Variants in ELP5 observed in about 807,000 individuals in gnomAD.
ELP5 encodes the protein elongator complex protein 5.
A neutral mutation model predicts 33.4 loss-of-function variants in ELP5; 34 were observed. The ratio of observed to expected loss-of-function variants is 1.02; its 90% confidence interval spans 0.78 to 1.36. The LOEUF (loss-of-function observed/expected upper bound fraction) is 1.36. Ranked by LOEUF, ELP5 falls within the 40% of genes most tolerant of loss-of-function variation. The pLI, the probability that ELP5 is intolerant of heterozygous loss-of-function variation, is 0.00. For synonymous variants in ELP5, 161 were observed against 146.4 expected, an observed-to-expected ratio of 1.10 and a Z score of -0.72; for missense variants, 373 against 371.7, an observed-to-expected ratio of 1.00 and a Z score of -0.03.
Position 7,252,234 on chromosome 17 carries a change from C to T in ELP5, c.-317C>T, listed in dbSNP as rs2071948602. On this transcript the variant is annotated 5_prime_UTR_variant, in exon 1 of 8. Coordinates refer to ENST00000396628, the MANE Select transcript of ELP5 (RefSeq NM_203414.3). ...GACGTCACTTGGCCCGCGCTTAGGG[C>T]CCTCGCGGGGGGCTTGTGGGTCCTC... 1.1e-5 allele frequency: 5 copies of T among 457,980 alleles called. No individual in the cohort carries two copies. Among genetic ancestry groups the T allele is most frequent in the African/African-American group, 6.0e-5 (3 of 49,822 alleles). 28.4% of individuals were successfully genotyped at this position (457,980 alleles called of 1,614,324 possible). A position where few individuals can be genotyped will look rare whatever the true frequency, so the allele number is the denominator to read the frequency against.
chr17:7,252,371 C>CAGTCTCTTGAAGG lies in ELP5; in HGVS notation c.-180_-179insAGTCTCTTGAAGG. 1 of 915,448 alleles carries CAGTCTCTTGAAGG rather than the reference C, an allele frequency of 1.1e-6. No individual in the cohort carries two copies. Among genetic ancestry groups the CAGTCTCTTGAAGG allele is most frequent in the East Asian group, 2.6e-5 (1 of 37,758 alleles). The allele number at this position is 915,448 out of a possible 1,614,324, so 56.7% of individuals were successfully genotyped here. A position where few individuals can be genotyped will look rare whatever the true frequency, so the allele number is the denominator to read the frequency against. Reference sequence around the variant, plus strand: ...GTGCGCCAGGGCTCGGGGAGGGGCGCCCTCCGCGTGAGCGCCCCCCTGGGA... The same window carrying CAGTCTCTTGAAGG: ...GTGCGCCAGGGCTCGGGGAGGGGCGCAGTCTCTTGAAGGCCTCCGCGTGAGCGCCCCCCTGGGA... On this transcript the variant is annotated 5_prime_UTR_variant, in exon 1 of 8. Coordinates refer to ENST00000396628, the MANE Select transcript of ELP5 (RefSeq NM_203414.3).
rs1281329031 is a variant in ELP5 at position 7,252,977 on chromosome 17, T to A, written c.167T>A (p.Phe56Tyr). 1 of 1,614,216 alleles carries A rather than the reference T, an allele frequency of 6.2e-7. No homozygotes were observed. The highest frequency in any genetic ancestry group is 1.7e-5 in the Admixed American group (1 of 60,022). ...EVSEEEFREGFDSDINNRLVY... is the reference protein window; with the variant it reads ...EVSEEEFREGYDSDINNRLVY... ...AGCGAGGAAGAGTTTCGTGAAGGTTTTGACTCTGATATCAACAATCGGTAA... is the reference window on the plus strand; with the variant it reads ...AGCGAGGAAGAGTTTCGTGAAGGTTATGACTCTGATATCAACAATCGGTAA... The change falls in exon 3 of 8, where the codon TTT (phenylalanine) becomes TAT (tyrosine). Residue 56 changes from phenylalanine to tyrosine, a missense_variant. Transcript: ENST00000396628.
intron 4 of ELP5, among the ~76,000 whole-genome samples, chr17:7,256,318 G>C (rs2072073538): frequency 6.6e-6 from 1 of 152,104 alleles, no homozygotes; most frequent in Admixed American, 6.6e-5. Flanking sequence ...ACTCTAGCCT[G>C]GGCGACAGAG....
chr17:7,253,377 A>G (rs1022628399), intron 3 of ELP5, among the ~76,000 whole-genome samples: 12 of 152,244 alleles, frequency 7.9e-5, no homozygotes, highest in African/African-American at 2.7e-4. Flanking sequence ...AATGAATTTT[A>G]GGGAATAATG....
intron 3 of ELP5, 90 bp from the exon 4 acceptor site, chr17:7,254,493 A>T: frequency 1.1e-6 from 1 of 907,100 alleles, no homozygotes; most frequent in Non-Finnish European, 1.7e-6. Context: ...ATAAAAATTG[A>T]GAAAACAGCC....
chr17:7,253,078 CTGG>C, intron 3 of ELP5, 80 bp downstream of exon 3: 1 of 1,371,764 alleles, frequency 7.3e-7, no homozygotes, highest in Middle Eastern at 1.8e-4. Flanking sequence ...AGCGCAGAAC[CTGG>C]TATGTAGTAG....
At chr17:7,253,827 C>T (rs1254094318) in intron 3 of ELP5, among the ~76,000 whole-genome samples, 2 of 152,086 alleles carry the variant, frequency 1.3e-5, no homozygotes, top group Non-Finnish European at 2.9e-5. Context: ...GAAACCCCAT[C>T]TCTACTAAAA....
chr17:7,258,571 T>C lies in ELP5; in HGVS notation c.592-17T>C, dbSNP rs1187778291. 5 of 1,611,636 alleles carry C rather than the reference T, an allele frequency of 3.1e-6. No homozygotes were observed. The highest frequency in any genetic ancestry group is 4.2e-6 in the Non-Finnish European group (5 of 1,178,676). On this transcript the variant is annotated splice_polypyrimidine_tract_variant and intron_variant, in intron 5 of 7. Coordinates refer to ENST00000396628, the MANE Select transcript of ELP5 (RefSeq NM_203414.3). ...CTTCAGTAAGATGAAAAAAACTCTT[T>C]TCTTTTTTCTCTCCAGACTCAGTGG... is the stretch of plus-strand genomic sequence containing the variant.
intron 4 of ELP5, among the ~76,000 whole-genome samples, chr17:7,255,248 G>A (rs1021607982): frequency 2.0e-5 from 3 of 151,816 alleles, no homozygotes; most frequent in Non-Finnish European, 4.4e-5. Flanking sequence ...ACTCTTGGCC[G>A]GGCGCGGTGG....
rs938920070 is a variant in ELP5, at chr17:7,258,641, C to T, written c.645C>T (p.Pro215=). The change falls in exon 6 of 8, where the codon CCC becomes CCT. Residue 215 remains proline, a synonymous_variant. Transcript: ENST00000396628. ...PDFSLDLQEG[P]SVESQPYSDP... is the part of the protein sequence containing the mutation. ...TCAGCCTGGATCTCCAAGAGGGGCCCTCTGTAGAGTCCCAGCCCTACTCCG... is the reference window on the plus strand; with the variant it reads ...TCAGCCTGGATCTCCAAGAGGGGCCTTCTGTAGAGTCCCAGCCCTACTCCG... 6.2e-7 allele frequency: 1 copy of T among 1,614,052 alleles called. No homozygotes were observed. Among genetic ancestry groups the T allele is most frequent in the Non-Finnish European group, 8.5e-7 (1 of 1,180,052 alleles).
chr17:7,255,024 T>C, intron 4 of ELP5: 1 of 576,138 alleles, frequency 1.7e-6, no homozygotes, highest in Non-Finnish European at 3.1e-6. Context: ...TTTGTTTCAC[T>C]CATTCATTCA....
intron 4 of ELP5, among the ~76,000 whole-genome samples, chr17:7,256,361 A>C (rs1321494775): frequency 2.6e-5 from 4 of 152,216 alleles, no homozygotes; most frequent in Non-Finnish European, 5.9e-5. Context: ...AAAGAAAAAA[A>C]AATTGTTAAA....
At chr17:7,253,881 C>T (rs937524217) in intron 3 of ELP5, among the ~76,000 whole-genome samples, 32 of 151,944 alleles carry the variant, frequency 2.1e-4, no homozygotes, top group African/African-American at 7.0e-4. Flanking sequence ...CCTGTAATTC[C>T]AGCTACTCAG....
chr17:7,259,361 G>A, intron 7 of ELP5: 5 of 1,405,056 alleles, frequency 3.6e-6, no homozygotes, highest in South Asian at 1.6e-5. Context: ...AGGAACTTAC[G>A]GTTTTATTAG....
intron 7 of ELP5, 99 bp from the exon 8 acceptor site, chr17:7,259,472 C>CTA (rs895853077): frequency 1.8e-5 from 28 of 1,565,970 alleles, no homozygotes; most frequent in Non-Finnish European, 2.2e-5. Context: ...ACATGGAGGC[C>CTA]TAACAGGTTG....
rs758996790 is a variant in ELP5 at position 7,254,718 on chromosome 17, T to G, written c.324T>G (p.Asp108Glu). The G allele has an allele frequency of 3.1e-6, 5 of 1,614,148 alleles. No homozygotes were observed. Among genetic ancestry groups the G allele is most frequent in the Non-Finnish European group, 4.2e-6 (5 of 1,180,022 alleles). ...TDPVPVTIAL[D>E]SLSWLLLRLP... ...CTGTTCCTGTCACCATTGCTCTCGATTCACTCAGCTGGCTGCTACTTCGCC... is the reference window on the plus strand; with the variant it reads ...CTGTTCCTGTCACCATTGCTCTCGAGTCACTCAGCTGGCTGCTACTTCGCC... The change falls in exon 4 of 8, where the codon GAT (aspartate) becomes GAG (glutamate). Residue 108 changes from aspartate to glutamate, a missense_variant. By Grantham distance (45) the Asp-to-Glu change is conservative. Transcript: ENST00000396628.
At chr17:7,254,436 G>A in intron 3 of ELP5, 147 bp from the exon 4 acceptor site, 1 of 660,702 alleles carries the variant, frequency 1.5e-6, no homozygotes, top group Non-Finnish European at 2.5e-6. Flanking sequence ...CTCAATCACT[G>A]TATGCTCTCT....
chr17:7,252,218 T>G lies in ELP5; in HGVS notation c.-333T>G, dbSNP rs1031637222. 4 of 423,032 alleles carry G rather than the reference T, an allele frequency of 9.5e-6. No individual in the cohort carries two copies. The highest frequency in any genetic ancestry group is 5.3e-5 in the East Asian group (1 of 18,992). The allele number at this position is 423,032 out of a possible 1,614,324, so 26.2% of individuals were successfully genotyped here. ...CGTGGGCGGGGAGAGTGACGTCACTTGGCCCGCGCTTAGGGCCCTCGCGGG... is the reference window on the plus strand; with the variant it reads ...CGTGGGCGGGGAGAGTGACGTCACTGGGCCCGCGCTTAGGGCCCTCGCGGG... On this transcript the variant is annotated 5_prime_UTR_variant, in exon 1 of 8. Transcript: ENST00000396628.
At chr17:7,257,143 C>CAAA in intron 5 of ELP5, 105 bp downstream of exon 5, 1 of 1,292,234 alleles carries the variant, frequency 7.7e-7, no homozygotes. Flanking sequence ...ACTTTAAAAA[C>CAAA]AAACTTTTTT....
Sources: allele counts gnomAD v4.1 joint callset (sites outside exome capture counted in the v4.1 genomes callset), GRCh38; gene constraint gnomAD v4.1.1; transcripts MANE v1.5; gene names NCBI Gene and HGNC (gene_info 2026-07-23, HGNC 2026-07-21).